Variants in KMT2E observed in about 807,000 individuals in gnomAD.
KMT2E encodes histone reader KMT2E.
A neutral mutation model predicts 184.6 loss-of-function variants in KMT2E; 30 were observed. The ratio of observed to expected loss-of-function variants is 0.16; its 90% CI spans 0.12 to 0.22. The LOEUF (loss-of-function observed/expected upper bound fraction) is 0.22, where lower values mean the gene tolerates loss of function less well. Ranked by LOEUF, KMT2E falls within the 10% of genes least tolerant of loss-of-function variation. The pLI is 1.00. For missense variants in KMT2E, 2,023 were observed against 2,237.4 expected, an observed-to-expected ratio of 0.90 and a Z score of 1.93; for synonymous variants, 815 against 776.5, an observed-to-expected ratio of 1.05 and a Z score of -0.82.
intron 15 of KMT2E, chr7:105,091,748 A>G (rs957172634): frequency 1.4e-5 from 3 of 213,292 alleles, no homozygotes; most frequent in African/African-American, 6.9e-5. Flanking sequence ...ACTGGTAGCT[A>G]TTTCTACAGT....
At chr7:105,072,075 AG>A (rs1399336462) in intron 6 of KMT2E, among the ~76,000 whole-genome samples, 1 of 151,550 alleles carries the variant, frequency 6.6e-6, no homozygotes, top group Non-Finnish European at 1.5e-5. Flanking sequence ...ACTTTGGGGG[AG>A]GCCCAGGCGG....
chr7:105,068,413 T>G (rs1316832684), intron 6 of KMT2E, among the ~76,000 whole-genome samples: 1 of 152,120 alleles, frequency 6.6e-6, no homozygotes, highest in African/African-American at 2.4e-5. Flanking sequence ...TTAATTCTGT[T>G]GTTCATTACT....
intron 13 of KMT2E, among the ~76,000 whole-genome samples, chr7:105,087,699 C>T (rs1182509476): frequency 6.6e-6 from 1 of 152,084 alleles, no homozygotes; most frequent in Non-Finnish European, 1.5e-5. Flanking sequence ...GCTGGGATTA[C>T]AAGCGTGAAT....
At chr7:105,030,579 G>A (rs919543501) in intron 1 of KMT2E, among the ~76,000 whole-genome samples, 1 of 152,310 alleles carries the variant, frequency 6.6e-6, no homozygotes, top group East Asian at 1.9e-4. Context: ...GAAACTAGTG[G>A]CTTTTGAAGT....
At position 105,014,472 on chromosome 7, in the gene KMT2E, G is replaced by C. The variant is rs1584674817; in HGVS notation, c.-252G>C. Reference sequence around the variant, plus strand: ...GGGGGTCGCCTGTTCGCGGAGGTGCGGAGAGACTCCTTGGGGGTCGAGCAC... The same window carrying C: ...GGGGGTCGCCTGTTCGCGGAGGTGCCGAGAGACTCCTTGGGGGTCGAGCAC... On this transcript the variant is annotated 5_prime_UTR_variant, in exon 1 of 27. Transcript: ENST00000311117. 1 of 153,330 alleles carries C rather than the reference G, an allele frequency of 6.5e-6. No homozygotes were observed. The highest frequency in any genetic ancestry group is 2.4e-5 in the African/African-American group (1 of 41,394). 9.5% of individuals were successfully genotyped at this position (153,330 alleles called of 1,614,324 possible).
At chr7:105,092,097 C>A (rs572630965) in intron 15 of KMT2E, among the ~76,000 whole-genome samples, 10 of 152,098 alleles carry the variant, frequency 6.6e-5, no homozygotes, top group Non-Finnish European at 1.3e-4. Context: ...TGGACTCTCA[C>A]GTCACATATT....
In KMT2E at chr7:105,112,846, C is replaced by T. The variant is rs1029635569; in HGVS notation, c.5090C>T (p.Ser1697Phe). ...CATCACCATCCACCACCCCATCCAT[C>T]CACAGGACTCCAAGGTCTACAAGCA... ...APHHHPPPHP[S>F]TGLQGLQAQH... Residue 1697 changes from serine to phenylalanine, a missense_variant, in exon 27 of 27, where the codon TCC becomes TTC. Ser to Phe is a radical substitution (Grantham distance 155). Around this residue, in one of 8 missense-constraint regions of KMT2E, gnomAD observed 1,108 missense variants for 1,050.9 expected, o/e 1.05. Transcript: ENST00000311117. The T allele has an allele frequency of 7.0e-7, 1 of 1,438,036 alleles. No homozygotes were observed. The highest frequency in any genetic ancestry group is 1.5e-5 in the African/African-American group (1 of 67,506). The allele number at this position is 1,438,036 out of a possible 1,614,324, so 89.1% of individuals were successfully genotyped here. A position where few individuals can be genotyped will look rare whatever the true frequency, so the allele number is the denominator to read the frequency against.
chr7:105,017,030 A>C (rs956839825), intron 1 of KMT2E, among the ~76,000 whole-genome samples: 1 of 152,166 alleles, frequency 6.6e-6, no homozygotes, highest in African/African-American at 2.4e-5. Flanking sequence ...GTCAGTACTC[A>C]TTTGTATTTT....
chr7:105,031,751 AAAATAAATAAATAAATT>A lies in KMT2E; in HGVS notation c.-188-6358_-188-6342del, dbSNP rs1459060274. On this transcript the variant is annotated intron_variant, in intron 1 of 26. Transcript: ENST00000311117. ...TGGGTGACAGAGTGAAACTGTCTCA[AAAATAAATAAATAAATT>A]AAATAAATAAATAAATAAAGGCCAG... Among the ~76,000 whole-genome samples the A allele has an allele frequency of 3.2e-4, 49 of 151,000 alleles. 2 individuals are homozygous for A. The highest frequency in any genetic ancestry group is 7.4e-5 in the Non-Finnish European group (5 of 67,752).
chr7:105,102,056 T>G lies in KMT2E; in HGVS notation c.2058T>G (p.Val686=). Residue 686 remains valine, a synonymous_variant, in exon 17 of 27, where the codon GTT becomes GTG. Transcript: ENST00000311117. ...AGCCATCTTCTCCTGATATAGAAGT[T>G]ACTTCACAACAAAATGATATTGAAA... ...DIQPSSPDIE[V]TSQQNDIENT... 2 of 1,613,976 alleles carry G rather than the reference T, an allele frequency of 1.2e-6. No homozygotes were observed. The highest frequency in any genetic ancestry group is 1.7e-6 in the Non-Finnish European group (2 of 1,179,900).
intron 4 of KMT2E, 38 bp downstream of exon 4, chr7:105,062,316 A>C: frequency 7.1e-7 from 1 of 1,410,406 alleles, no homozygotes; most frequent in Non-Finnish European, 1.0e-6. Flanking sequence ...ACATTTTTAA[A>C]TTTAGAGATT....
intron 12 of KMT2E, among the ~76,000 whole-genome samples, chr7:105,080,860 A>T (rs181944542): frequency 6.6e-6 from 1 of 152,082 alleles, no homozygotes; most frequent in African/African-American, 2.4e-5. Flanking sequence ...AAAATTAGCC[A>T]GGTGTGGTGG....
At chr7:105,087,431 G>A (rs1268903747) in intron 13 of KMT2E, among the ~76,000 whole-genome samples, 1 of 137,268 alleles carries the variant, frequency 7.3e-6, no homozygotes, top group East Asian at 2.1e-4. Flanking sequence ...CTTTTTTTTT[G>A]TTTTTTTTTT....
Position 105,105,621 on chromosome 7 carries a change from T to C in KMT2E, c.2379T>C (p.Phe793=), listed in dbSNP as rs1798867396. The change falls in exon 18 of 27, where the codon TTT becomes TTC. Residue 793 remains phenylalanine, a synonymous_variant. Coordinates refer to ENST00000311117, the MANE Select transcript of KMT2E (RefSeq NM_182931.3). ...CCACTCCTAAGCATTATATTAGATTTACTTCACCATTCCTTTCAGAAAAAA... is the reference window on the plus strand; with the variant it reads ...CCACTCCTAAGCATTATATTAGATTCACTTCACCATTCCTTTCAGAAAAAA... The part of the protein sequence containing the change: ...VYSTPKHYIR[F]TSPFLSEKRR... The C allele has an allele frequency of 6.2e-7, 1 of 1,613,128 alleles. No homozygotes were observed. Among genetic ancestry groups the C allele is most frequent in the Non-Finnish European group, 8.5e-7 (1 of 1,179,486 alleles).
At chr7:105,048,444 G>T (rs1286187428) in intron 3 of KMT2E, among the ~76,000 whole-genome samples, 1 of 151,986 alleles carries the variant, frequency 6.6e-6, no homozygotes, top group Admixed American at 6.6e-5. Flanking sequence ...TTTAAAATTT[G>T]ATTATTTAAG....
Position 105,101,438 on chromosome 7 carries a change from GA to G in KMT2E, c.1741del (p.Met581TrpfsTer65). 1 of 1,545,250 alleles carries G rather than the reference GA, an allele frequency of 6.5e-7. No individual in the cohort carries two copies. Among genetic ancestry groups the G allele is most frequent in the South Asian group, 1.3e-5 (1 of 79,916 alleles). On this transcript the variant is annotated frameshift_variant, in exon 16 of 27. Transcript: ENST00000311117. LOFTEE classifies it high-confidence loss of function. The part of the protein sequence containing the change: ...ERKRKMTREE[R>X]KMEAILQAFA... ...TAAATTTCATAGACAAGAGAAGAAA[GA>G]AAAATGGAAGCAATTTTGCAAGCTT... is the stretch of plus-strand genomic sequence containing the variant.
At position 105,112,376 on chromosome 7, in the gene KMT2E, C is replaced by G; in HGVS notation, c.4620C>G (p.Asn1540Lys). ...GTCAGTTTAACCAACAAAGTCTGAA[C>G]AGCACGGCACCACCCCCTCCACCTC... ...TYSQFNQQSL[N>K]STAPPPPPPP... Residue 1540 changes from asparagine to lysine, a missense_variant, in exon 27 of 27, where the codon AAC becomes AAG. By Grantham distance (94) the Asn-to-Lys change is moderately conservative. Coordinates refer to ENST00000311117, the MANE Select transcript of KMT2E (RefSeq NM_182931.3). 1 of 1,612,964 alleles carries G rather than the reference C, an allele frequency of 6.2e-7. No individual in the cohort carries two copies. The highest frequency in any genetic ancestry group is 1.7e-5 in the Admixed American group (1 of 60,020).
At chr7:105,065,746 T>G (rs928795565) in intron 5 of KMT2E, among the ~76,000 whole-genome samples, 6 of 152,138 alleles carry the variant, frequency 3.9e-5, no homozygotes, top group Non-Finnish European at 7.4e-5. Flanking sequence ...CAGACTGTGG[T>G]TGAACACAGG....
chr7:105,053,629 T>C (rs1467518510), intron 3 of KMT2E, among the ~76,000 whole-genome samples: 1 of 152,128 alleles, frequency 6.6e-6, no homozygotes, highest in Non-Finnish European at 1.5e-5. Context: ...TCCCATCACT[T>C]TGAGAGATCA....
Sources: gnomAD v4.1 joint callset for allele counts (sites outside exome capture counted in the v4.1 genomes callset) on GRCh38, gnomAD v4.1.1 for gene constraint, gnomAD v4.1.1 regional missense constraint, MANE v1.5 for transcripts, NCBI Gene and HGNC (gene_info 2026-07-23, HGNC 2026-07-21) for gene names.